Variants in FMN1 observed in about 807,000 individuals in gnomAD.
The protein encoded by FMN1 is formin-1.
FMN1 carries 110 observed loss-of-function variants against 132.4 expected under a neutral mutation model. The observed-to-expected ratio is 0.83, with a 90% confidence interval of 0.71 to 0.97. The LOEUF (loss-of-function observed/expected upper bound fraction) is 0.97. FMN1 is among the 50% of genes least tolerant of loss of function. The pLI is 0.00. For missense variants in FMN1, 1,792 were observed against 1,705.3 expected (o/e 1.05, Z -0.90); for synonymous variants, 722 against 651.7 (o/e 1.11, Z -1.64).
chr15:33,121,232 CA>C (rs1163551093), intron 4 of FMN1, among the ~76,000 whole-genome samples: 1 of 152,152 alleles, frequency 6.6e-6, no homozygotes, highest in Non-Finnish European at 1.5e-5. Context: ...TGTCTTGAAA[CA>C]AAAAGTATTC....
At chr15:33,004,036 A>T (rs2034267923) in intron 7 of FMN1, among the ~76,000 whole-genome samples, 1 of 152,112 alleles carries the variant, frequency 6.6e-6, no homozygotes, top group Non-Finnish European at 1.5e-5. Flanking sequence ...CTTATACAAA[A>T]ATTAATTCAA....
At chr15:32,789,268 C>CA (rs760525151) in intron 19 of FMN1, among the ~76,000 whole-genome samples, 5 of 152,048 alleles carry the variant, frequency 3.3e-5, no homozygotes, top group African/African-American at 1.2e-4. Flanking sequence ...CATTAAATGA[C>CA]AAAACTGAAG....
chr15:33,031,350 A>G (rs2035928861), intron 6 of FMN1, among the ~76,000 whole-genome samples: 1 of 152,170 alleles, frequency 6.6e-6, no homozygotes, highest in African/African-American at 2.4e-5. Flanking sequence ...GATGCACCTG[A>G]GAGCACAAAC....
At chr15:33,148,360 C>T (rs544975669) in intron 4 of FMN1, among the ~76,000 whole-genome samples, 1 of 152,142 alleles carries the variant, frequency 6.6e-6, no homozygotes, top group Non-Finnish European at 1.5e-5. Flanking sequence ...CAGTATTTTC[C>T]TGTTCTTTAT....
At position 32,901,415 on chromosome 15, in the gene FMN1, T is replaced by C. The variant is rs79685378; in HGVS notation, c.3507+496A>G. ...TGAGAAAAAGGCAGGTGCTAGAATT[T>C]AACCTTATAATGAACACCAGTGTAG... On this transcript the variant is annotated intron_variant, in intron 13 of 20. Transcript: ENST00000616417. 3.7e-3 allele frequency among the ~76,000 whole-genome samples: 565 copies of C among 152,342 alleles called. 2 individuals are homozygous for C. The highest frequency in any genetic ancestry group is 0.013 in the African/African-American group (540 of 41,574).
intron 17 of FMN1, among the ~76,000 whole-genome samples, chr15:32,813,821 C>G (rs577673048): frequency 6.6e-6 from 1 of 152,300 alleles, no homozygotes; most frequent in African/African-American, 2.4e-5. Flanking sequence ...GTCACAGAAT[C>G]CAGGCCTTTT....
chr15:32,901,798 A>G, intron 13 of FMN1, 113 bp downstream of exon 13: 5 of 775,278 alleles, frequency 6.4e-6, no homozygotes, highest in Non-Finnish European at 9.4e-6. Flanking sequence ...CACTTAGAAA[A>G]ACATACAATC....
intron 4 of FMN1, among the ~76,000 whole-genome samples, chr15:33,127,411 GAAC>G (rs950560973): frequency 6.6e-6 from 1 of 152,114 alleles, no homozygotes; most frequent in Admixed American, 6.5e-5. Context: ...GGATGGACCA[GAAC>G]AACTATTTCC....
At chr15:33,000,147 A>C (rs888348948) in intron 7 of FMN1, among the ~76,000 whole-genome samples, 12 of 152,170 alleles carry the variant, frequency 7.9e-5, no homozygotes, top group African/African-American at 2.7e-4. Context: ...AGTAACTAAA[A>C]GGTTAAAAAC....
chr15:32,868,233 T>C (rs1274516512), intron 16 of FMN1, among the ~76,000 whole-genome samples: 5 of 152,228 alleles, frequency 3.3e-5, no homozygotes, highest in Non-Finnish European at 7.3e-5. Context: ...ACCTTTCCTT[T>C]GTTTAGATAC....
rs890319337 is a variant in FMN1, at chr15:32,901,714, TCATCCATCTG to T, written c.3507+187_3507+196del. On this transcript the variant is annotated intron_variant, in intron 13 of 20. Coordinates refer to ENST00000616417, the MANE Select transcript of FMN1 (RefSeq NM_001277313.2). ...CATTTTTTTCCCTCCTTCTCCCTCT[TCATCCATCTG>T]CATCTCCTTTTCTCTCCCTCTCTCT... Among the ~76,000 whole-genome samples, 14 of 152,248 alleles carry T rather than the reference TCATCCATCTG, an allele frequency of 9.2e-5. 1 individual carries two copies. Among genetic ancestry groups the T allele is most frequent in the South Asian group, 2.1e-4 (1 of 4,814 alleles).
At chr15:32,817,516 T>C (rs2058091619) in intron 17 of FMN1, among the ~76,000 whole-genome samples, 1 of 152,180 alleles carries the variant, frequency 6.6e-6, no homozygotes, top group African/African-American at 2.4e-5. Flanking sequence ...TTACCAAGTA[T>C]CTAGGTGTGA....
intron 5 of FMN1, among the ~76,000 whole-genome samples, chr15:33,071,476 A>C (rs185167613): frequency 2.6e-5 from 4 of 152,354 alleles, no homozygotes; most frequent in East Asian, 1.9e-4. Context: ...CTGTGAGGAC[A>C]TAAGAATGAA....
At chr15:32,775,979 C>G (rs896456821) in intron 20 of FMN1, among the ~76,000 whole-genome samples, 9 of 152,136 alleles carry the variant, frequency 5.9e-5, no homozygotes, top group African/African-American at 1.9e-4. Flanking sequence ...ACCAAAGCAG[C>G]TGAAATTCAC....
intron 17 of FMN1, among the ~76,000 whole-genome samples, chr15:32,832,732 C>T (rs2058531588): frequency 6.6e-6 from 1 of 151,972 alleles, no homozygotes; most frequent in African/African-American, 2.4e-5. Flanking sequence ...GAGCTGAGAT[C>T]GCGCCACTGC....
At position 32,896,432 on chromosome 15, in the gene FMN1, C is replaced by CA. The variant is rs371852500; in HGVS notation, c.3714+2401dup. Among the ~76,000 whole-genome samples the CA allele has an allele frequency of 2.3e-3, 348 of 151,702 alleles. 3 individuals carry two copies. Among genetic ancestry groups the CA allele is most frequent in the African/African-American group, 7.9e-3 (326 of 41,436 alleles). On this transcript the variant is annotated intron_variant, in intron 15 of 20. Transcript: ENST00000616417. ...ACTCCTTACTGTGGTAAAAAACAAA[C>CA]AAAAAAAACCCCCTATAACATGATA...
rs368200947 is a variant in FMN1 at position 32,978,014 on chromosome 15, G to A, written c.2224-8537C>T. On this transcript the variant is annotated intron_variant, in intron 7 of 20. Transcript: ENST00000616417. ...TGGGACTACAGATGCATGCCCCCAC[G>A]CCCTGCTGATTTTTTTATTCTTAGT... Among the ~76,000 whole-genome samples, 320 of 151,718 alleles carry A rather than the reference G, an allele frequency of 2.1e-3. 1 individual carries two copies. Among genetic ancestry groups the A allele is most frequent in the African/African-American group, 7.4e-3 (307 of 41,366 alleles).
At chr15:33,008,564 T>A (rs1297809183) in intron 6 of FMN1, among the ~76,000 whole-genome samples, 1 of 152,212 alleles carries the variant, frequency 6.6e-6, no homozygotes, top group African/African-American at 2.4e-5. Context: ...CTGATTTTAA[T>A]CTTTATCTCA....
intron 9 of FMN1, among the ~76,000 whole-genome samples, chr15:32,952,804 A>T (rs1468678136): frequency 4.6e-5 from 7 of 152,096 alleles, no homozygotes; most frequent in Admixed American, 4.6e-4. Context: ...AAACACGAAA[A>T]CTCAGGTTAT....
Sources: allele counts gnomAD v4.1 joint callset (sites outside exome capture counted in the v4.1 genomes callset), GRCh38; gene constraint gnomAD v4.1.1; transcripts MANE v1.5; gene names NCBI Gene and HGNC (gene_info 2026-07-23, HGNC 2026-07-21).